The following BLTP3A variants were observed in gnomAD, a reference collection of about 807,000 sequenced individuals.
BLTP3A encodes bridge-like lipid transfer protein family member 3A, also known as ICBP90 binding protein 1.
the BLTP3A span, among the ~76,000 whole-genome samples, chr6:34,848,283 CA>C: frequency 6.0e-4 from 85 of 142,810 alleles, no homozygotes; most frequent in African/African-American, 1.2e-3. Context: ...GACCCTGTCT[CA>C]AAAAAAAAAA....
At chr6:34,827,928 G>C in the BLTP3A span, among the ~76,000 whole-genome samples, 1 of 152,124 alleles carries the variant, frequency 6.6e-6, no homozygotes, top group African/African-American at 2.4e-5. Context: ...TCTTTAGATG[G>C]TTGAGTAGCA....
At chr6:34,865,506 G>A in the BLTP3A span, among the ~76,000 whole-genome samples, 1 of 152,310 alleles carries the variant, frequency 6.6e-6, no homozygotes, top group South Asian at 2.1e-4. Context: ...GTAAACACAG[G>A]AATGGAGATA....
the BLTP3A span, among the ~76,000 whole-genome samples, chr6:34,800,095 G>A: frequency 6.6e-6 from 1 of 151,586 alleles, no homozygotes; most frequent in Non-Finnish European, 1.5e-5. Flanking sequence ...TTCATATCAA[G>A]GCATACCTCA....
the BLTP3A span, among the ~76,000 whole-genome samples, chr6:34,816,255 A>G: frequency 1.3e-5 from 2 of 152,118 alleles, no homozygotes; most frequent in African/African-American, 4.8e-5. Context: ...TATCTGAAGT[A>G]TGTTTCTCTT....
chr6:34,834,285 T>C, the BLTP3A span: 1 of 1,614,084 alleles, frequency 6.2e-7, no homozygotes, highest in Non-Finnish European at 8.5e-7. Flanking sequence ...ACCATCAAGA[T>C]TCACTCCAAG....
chr6:34,802,516 C>T, the BLTP3A span, among the ~76,000 whole-genome samples: 3 of 152,092 alleles, frequency 2.0e-5, no homozygotes, highest in African/African-American at 7.2e-5. Context: ...ATTACAGGCA[C>T]CCACCACCAT....
At chr6:34,849,505 A>G in the BLTP3A span, among the ~76,000 whole-genome samples, 3 of 152,180 alleles carry the variant, frequency 2.0e-5, no homozygotes, top group Non-Finnish European at 2.9e-5. Flanking sequence ...TTGTTTTTCT[A>G]TATATTTTAT....
At chr6:34,876,831 A>G in the BLTP3A span, 4 of 152,184 alleles carry the variant, frequency 2.6e-5, no homozygotes, top group Non-Finnish European at 5.9e-5. Context: ...TATTTTCCCC[A>G]TGGCACAAGG....
chr6:34,838,612 A>G, the BLTP3A span, among the ~76,000 whole-genome samples: 1 of 152,234 alleles, frequency 6.6e-6, no homozygotes, highest in Non-Finnish European at 1.5e-5. Flanking sequence ...ACTGAGTGGA[A>G]TTGTCACTTC....
the BLTP3A span, among the ~76,000 whole-genome samples, chr6:34,846,205 C>T: frequency 1.3e-5 from 2 of 148,762 alleles, no homozygotes; most frequent in African/African-American, 2.5e-5. Flanking sequence ...AGTACTGTGG[C>T]GCAATCTCAG....
the BLTP3A span, among the ~76,000 whole-genome samples, chr6:34,817,675 G>T: frequency 3.0e-4 from 46 of 152,276 alleles, no homozygotes; most frequent in Non-Finnish European, 5.4e-4. Context: ...AGAACACTGA[G>T]CTTGGGGAAT....
the BLTP3A span, among the ~76,000 whole-genome samples, chr6:34,840,197 C>T: frequency 9.9e-5 from 15 of 152,112 alleles, no homozygotes; most frequent in Admixed American, 9.8e-4. Flanking sequence ...GTGTAAACCA[C>T]CTCAATAATT....
At chr6:34,825,075 C>T in the BLTP3A span, among the ~76,000 whole-genome samples, 1 of 152,170 alleles carries the variant, frequency 6.6e-6, no homozygotes, top group East Asian at 1.9e-4. Context: ...CCACCACACA[C>T]ACATTTTTAA....
chr6:34,867,205 TTG>T, the BLTP3A span: 1 of 1,591,358 alleles, frequency 6.3e-7, no homozygotes, highest in Non-Finnish European at 8.6e-7. Flanking sequence ...TTAAATTCAT[TTG>T]TCCTCTTTTT....
the BLTP3A span, among the ~76,000 whole-genome samples, chr6:34,847,920 C>CTTTT: frequency 4.5e-5 from 3 of 66,844 alleles, no homozygotes; most frequent in Non-Finnish European, 8.0e-5. Flanking sequence ...TTCTTTTTTT[C>CTTTT]CTTTTTTTTT....
the BLTP3A span, among the ~76,000 whole-genome samples, chr6:34,824,427 G>A: frequency 1.3e-5 from 2 of 150,758 alleles, no homozygotes; most frequent in Non-Finnish European, 3.0e-5. Context: ...GCGTGGTGGC[G>A]GGCACCTGTA....
the BLTP3A span, among the ~76,000 whole-genome samples, chr6:34,801,803 G>GGCTCACTGCAAA: frequency 1.8e-4 from 27 of 152,000 alleles, no homozygotes; most frequent in East Asian, 4.3e-3. Context: ...CTCACTGCAA[G>GGCTCACTGCAAA]CTCTGGCTCA....
the BLTP3A span, among the ~76,000 whole-genome samples, chr6:34,795,623 G>C: frequency 7.4e-4 from 103 of 138,900 alleles, no homozygotes; most frequent in African/African-American, 2.7e-3. Context: ...GGATGGTCTC[G>C]ATCTCCTGAC....
the BLTP3A span, chr6:34,835,184 T>C: frequency 8.5e-7 from 1 of 1,183,284 alleles, no homozygotes; most frequent in South Asian, 1.5e-5. Flanking sequence ...CTTGATACTT[T>C]CACATATTGG....
Sources: allele counts gnomAD v4.1 joint callset (sites outside exome capture counted in the v4.1 genomes callset), GRCh38; gene constraint gnomAD v4.1.1; transcripts MANE v1.5; gene names NCBI Gene and HGNC (gene_info 2026-07-23, HGNC 2026-07-21).